The following SH3TC1 variants were observed in gnomAD, a reference collection of about 807,000 sequenced individuals.
SH3TC1 encodes SH3 domain and tetratricopeptide repeat-containing protein 1.
SH3TC1 carries 135 observed loss-of-function variants against 117.3 expected under a neutral mutation model. The observed-to-expected ratio is 1.15, with a 90% CI of 1.00 to 1.33. The LOEUF (loss-of-function observed/expected upper bound fraction) is 1.33. SH3TC1 is among the 40% of genes most tolerant of loss of function. SH3TC1 has a pLI of 0.00. For missense variants in SH3TC1, 2,092 were observed against 1,794.3 expected, an observed-to-expected ratio of 1.17 and a Z score of -3.00; for synonymous variants, 898 against 816.9, an observed-to-expected ratio of 1.10 and a Z score of -1.69.
chr4:8,231,022 T>A (rs1721153359), intron 12 of SH3TC1: 2 of 152,290 alleles, frequency 1.3e-5, no homozygotes, highest in Admixed American at 1.3e-4. Flanking sequence ...ACTCAAGCGA[T>A]CCTCCCGCCT....
chr4:8,234,599 C>T (rs1721641049), intron 14 of SH3TC1, among the ~76,000 whole-genome samples: 1 of 152,110 alleles, frequency 6.6e-6, no homozygotes, highest in Admixed American at 6.6e-5. Context: ...ATCCATCCAT[C>T]CATCCATGTA....
In SH3TC1 at chr4:8,216,037, T is replaced by C. The variant is rs543868013; in HGVS notation, c.482-74T>C. 53 of 1,569,528 alleles carry C rather than the reference T, an allele frequency of 3.4e-5. No homozygotes were observed. The Admixed American group carries it at 6.4e-4, about 19-fold the overall frequency. On this transcript the variant is annotated intron_variant, in intron 5 of 17. Transcript: ENST00000245105. Reference sequence around the variant, plus strand: ...TGGTCAGTGCAGGGCTCAGCCGACCTGGGACCACACAGGCTTCCCTGCCTC... The same window carrying C: ...TGGTCAGTGCAGGGCTCAGCCGACCCGGGACCACACAGGCTTCCCTGCCTC...
rs527995522 is a variant in SH3TC1, at chr4:8,183,615, T to C, written c.-57+1405T>C. Reference sequence around the variant, plus strand: ...TTTGTTTGTTTTTCTTTTAATAGACTGAATTCTTTGGAATCCTCTTAGATT... The same window carrying C: ...TTTGTTTGTTTTTCTTTTAATAGACCGAATTCTTTGGAATCCTCTTAGATT... On this transcript the variant is annotated intron_variant, in intron 1 of 16. Coordinates refer to the SH3TC1 transcript ENST00000508641. The surrounding 1 kb of genome is among the most constrained non-coding windows in gnomAD (Gnocchi z 5.4). 2.0e-5 allele frequency among the ~76,000 whole-genome samples: 3 copies of C among 152,330 alleles called. No individual in the cohort carries two copies. Among genetic ancestry groups the C allele is most frequent in the South Asian group, 2.1e-4 (1 of 4,830 alleles).
At chr4:8,219,216 C>A in intron 8 of SH3TC1, 119 bp from the exon 9 acceptor site, 2 of 1,021,066 alleles carry the variant, frequency 2.0e-6, no homozygotes, top group Non-Finnish European at 2.8e-6. Flanking sequence ...TTACTACGAA[C>A]CTCCTAGTAA....
chr4:8,228,601 C>A lies in SH3TC1; in HGVS notation c.2907C>A (p.Tyr969Ter). 4 of 1,552,240 alleles carry A rather than the reference C, an allele frequency of 2.6e-6. No individual in the cohort carries two copies. The South Asian group carries it at 4.9e-5, about 19-fold the overall frequency. The change falls in exon 12 of 18, where the codon TAC (tyrosine) becomes TAA (stop). Residue 969 changes from tyrosine to a stop codon, truncating the protein, a stop_gained. Coordinates refer to ENST00000245105, the MANE Select transcript of SH3TC1 (RefSeq NM_018986.5). LOFTEE classifies it high-confidence loss of function. ...QGPAQQGKGY[Y>*]EWALLVAVEM... ...CGGCCCAGCAGGGCAAGGGCTACTA[C>A]GAGTGGGCCCTTCTGGTCGCCGTGG... is the stretch of plus-strand genomic sequence containing the variant.
rs1721327529 is a variant in SH3TC1 at position 8,232,467 on chromosome 4, G to A, written c.3131+311G>A. The A allele has an allele frequency of 2.0e-6, 3 of 1,463,870 alleles. No homozygotes were observed. In the African/African-American group the frequency reaches 4.2e-5, roughly 20 times the overall value. The allele number at this position is 1,463,870 out of a possible 1,614,324, so 90.7% of individuals were successfully genotyped here. ...TTCTGGGCTGTTCTTCCTACCTGGT[G>A]GCTTTTGTCATCTGACCTCTGCCTG... On this transcript the variant is annotated intron_variant, in intron 13 of 17. Transcript: ENST00000245105.
chr4:8,192,186 AT>A lies in SH3TC1; in HGVS notation c.-57+9979del, dbSNP rs1402548435. On this transcript the variant is annotated intron_variant, in intron 1 of 16. Transcript: ENST00000508641. The surrounding 1 kb of genome is among the most constrained non-coding windows in gnomAD (Gnocchi z 4.1). ...TGTATTTTTTTTTATTAGAGATGGG[AT>A]TTCACCATGTGGGCCAGGCTGGTCC... Among the ~76,000 whole-genome samples, 1 of 151,366 alleles carries A rather than the reference AT, an allele frequency of 6.6e-6. No individual in the cohort carries two copies. The highest frequency in any genetic ancestry group is 1.5e-5 in the Non-Finnish European group (1 of 67,902).
intron 1 of SH3TC1, among the ~76,000 whole-genome samples, chr4:8,193,581 T>C (rs1717477487): frequency 6.6e-6 from 1 of 152,222 alleles, no homozygotes; most frequent in South Asian, 2.1e-4. Context: ...CTCCCTTTGC[T>C]GCTGCACCAA....
chr4:8,197,206 C>A (rs116711469), upstream of SH3TC1, among the ~76,000 whole-genome samples: 1,817 of 152,228 alleles, frequency 0.012, 33 homozygotes, highest in African/African-American at 0.042. Flanking sequence ...CTAGCCGGAG[C>A]ATACCTGGAG....
At position 8,227,111 on chromosome 4, in the gene SH3TC1, A is replaced by G; in HGVS notation, c.1417A>G (p.Ser473Gly). The change falls in exon 12 of 18, where the codon AGC becomes GGC. Residue 473 changes from serine to glycine, a missense_variant. Coordinates refer to ENST00000245105, the MANE Select transcript of SH3TC1 (RefSeq NM_018986.5). ...PASWGLCAAS[S>G]DVSLQDPEEP... is the part of the protein sequence containing the mutation. ...GTCCTGGGGTCTCTGTGCGGCATCCAGCGACGTGAGCTTGCAGGACCCCGA... is the reference window on the plus strand; with the variant it reads ...GTCCTGGGGTCTCTGTGCGGCATCCGGCGACGTGAGCTTGCAGGACCCCGA... 6.2e-7 allele frequency: 1 copy of G among 1,612,720 alleles called. No individual in the cohort carries two copies. The highest frequency in any genetic ancestry group is 8.5e-7 in the Non-Finnish European group (1 of 1,179,764).
intron 8 of SH3TC1, 79 bp from the exon 9 acceptor site, chr4:8,219,255 GT>G: frequency 7.2e-7 from 1 of 1,386,152 alleles, no homozygotes; most frequent in Non-Finnish European, 9.8e-7. Flanking sequence ...ATGGTTCAGG[GT>G]GGCTGGCATC....
In SH3TC1 at chr4:8,227,697, G is replaced by A; in HGVS notation, c.2003G>A (p.Cys668Tyr). 1 of 1,562,092 alleles carries A rather than the reference G, an allele frequency of 6.4e-7. No individual in the cohort carries two copies. ...AGCCTGCAGGCCGAGGCCCGGGCCT[G>A]CTTCCTGCTGGCCAGGCACCACGTG... ...GQSLQAEARA[C>Y]FLLARHHVHL... The change falls in exon 12 of 18, where the codon TGC (cysteine) becomes TAC (tyrosine). Residue 668 changes from cysteine (C) to tyrosine (Y), a missense_variant. Coordinates refer to ENST00000245105, the MANE Select transcript of SH3TC1 (RefSeq NM_018986.5).
intron 10 of SH3TC1, among the ~76,000 whole-genome samples, chr4:8,223,912 G>C (rs1720189452): frequency 6.6e-6 from 1 of 151,570 alleles, no homozygotes; most frequent in South Asian, 2.1e-4. Context: ...TGGGATTACA[G>C]CTGTGAGCCA....
intron 2 of SH3TC1, among the ~76,000 whole-genome samples, chr4:8,208,369 C>CTTTTTTT (rs151217437): frequency 2.1e-5 from 3 of 140,764 alleles, no homozygotes; most frequent in Non-Finnish European, 1.5e-5. Flanking sequence ...ACATTTCTTT[C>CTTTTTTT]TTTTTTTTTA....
chr4:8,240,634 G>T, intron 17 of SH3TC1, 64 bp from the exon 18 acceptor site: 2 of 1,597,402 alleles, frequency 1.3e-6, no homozygotes, highest in Non-Finnish European at 1.7e-6. Flanking sequence ...CTGGGCACAG[G>T]AACGGCCTCT....
At chr4:8,185,203 G>A (rs1459736515) in intron 1 of SH3TC1, among the ~76,000 whole-genome samples, 2 of 151,888 alleles carry the variant, frequency 1.3e-5, no homozygotes, top group East Asian at 3.9e-4. Flanking sequence ...AGGAGTGTTT[G>A]CGGGTGCCTG....
Position 8,233,454 on chromosome 4 carries a change from C to T in SH3TC1, c.3223C>T (p.Gln1075Ter). The T allele has an allele frequency of 6.2e-7, 1 of 1,613,868 alleles. No individual in the cohort carries two copies. Among genetic ancestry groups the T allele is most frequent in the Non-Finnish European group, 8.5e-7 (1 of 1,179,888 alleles). ...AGAGAAGGAGGCGCATGCCTGGCTG[C>T]AAGCAGGGAAGATCTATTACATCTT... is the stretch of plus-strand genomic sequence containing the variant. ...KKEKEAHAWL[Q>*]AGKIYYILRQ... Residue 1075 changes from glutamine (Q) to a stop codon, truncating the protein, a stop_gained, in exon 14 of 18, where the codon CAA becomes TAA. Coordinates refer to ENST00000245105, the MANE Select transcript of SH3TC1 (RefSeq NM_018986.5). LOFTEE classifies it high-confidence loss of function.
intron 1 of SH3TC1, among the ~76,000 whole-genome samples, chr4:8,202,571 G>T (rs1050974034): frequency 6.6e-6 from 1 of 152,216 alleles, no homozygotes; most frequent in Non-Finnish European, 1.5e-5. Flanking sequence ...GGGTGGGAAG[G>T]ATTTGGCCAC....
chr4:8,200,724 G>C (rs1717777466), intron 1 of SH3TC1, among the ~76,000 whole-genome samples: 1 of 152,210 alleles, frequency 6.6e-6, no homozygotes, highest in Non-Finnish European at 1.5e-5. Flanking sequence ...TCTGGAGGTC[G>C]GAATTCCGAA....
Sources: gnomAD v4.1 joint callset for allele counts (sites outside exome capture counted in the v4.1 genomes callset) on GRCh38, gnomAD v4.1.1 for gene constraint, Gnocchi (gnomAD v3.1) non-coding constraint, MANE v1.5 for transcripts, NCBI Gene and HGNC (gene_info 2026-07-23, HGNC 2026-07-21) for gene names.